KCNH5: variants seen among roughly 807,000 people sequenced by gnomAD.
KCNH5 encodes the protein voltage-gated delayed rectifier potassium channel KCNH5.
In KCNH5, 46 loss-of-function variants were observed where a neutral mutation model predicts 96.1. The observed-to-expected ratio is 0.48, with a 90% CI of 0.38 to 0.61. The LOEUF (loss-of-function observed/expected upper bound fraction) is 0.61. KCNH5 is among the 20% of genes least tolerant of loss of function. The pLI is 0.00. For missense variants in KCNH5, 907 were observed against 1,225.8 expected, an observed-to-expected ratio of 0.74 and a Z score of 3.88; for synonymous variants, 439 against 449.8, an observed-to-expected ratio of 0.98 and a Z score of 0.30.
intron 7 of KCNH5, among the ~76,000 whole-genome samples, chr14:62,860,066 G>A (rs2002267): frequency 0.14 from 21,051 of 152,122 alleles, 2,520 homozygotes; most frequent in African/African-American, 0.33. Context: ...CTTTATGACT[G>A]GATAGGTCAG....
chr14:62,828,995 AC>A (rs1395637090), intron 8 of KCNH5, among the ~76,000 whole-genome samples: 1 of 152,160 alleles, frequency 6.6e-6, no homozygotes, highest in African/African-American at 2.4e-5. Context: ...ATGGGTCAAA[AC>A]AAAGGAGTTC....
At chr14:62,798,326 G>A (rs578144952) in intron 9 of KCNH5, among the ~76,000 whole-genome samples, 3 of 152,236 alleles carry the variant, frequency 2.0e-5, no homozygotes, top group African/African-American at 7.2e-5. Context: ...AAATGTCTTA[G>A]GAGCACGGTC....
At chr14:62,971,929 G>A (rs1006480470) in intron 6 of KCNH5, among the ~76,000 whole-genome samples, 1 of 152,054 alleles carries the variant, frequency 6.6e-6, no homozygotes, top group Non-Finnish European at 1.5e-5. Context: ...AGAAAATCTA[G>A]ATGACCTTGA....
At position 62,708,402 on chromosome 14, in the gene KCNH5, C is replaced by A. The variant is rs1566634271; in HGVS notation, c.2073G>T (p.Arg691=). 6.2e-7 allele frequency: 1 copy of A among 1,610,742 alleles called. No individual in the cohort carries two copies. Among genetic ancestry groups the A allele is most frequent in the Non-Finnish European group, 8.5e-7 (1 of 1,179,448 alleles). The change falls in exon 11 of 11, where the codon CGG becomes CGT. Residue 691 remains arginine (R), a synonymous_variant. Transcript: ENST00000322893. ...TGCTGAGGGTCACCTCATTCTTCTG[C>A]CGGAGGCGCTCCTCCTCCTCTTTCT... ...DVKKEEEERL[R]QKNEVTLSIP...
At position 62,702,871 on chromosome 14, in the gene KCNH5, T is replaced by C. The variant is rs1884368889; in HGVS notation, c.*4637A>G. 6.6e-6 allele frequency: 1 copy of C among 151,962 alleles called. No homozygotes were observed. Among genetic ancestry groups the C allele is most frequent in the African/African-American group, 2.4e-5 (1 of 41,434 alleles). 9.4% of individuals were successfully genotyped at this position (151,962 alleles called of 1,614,324 possible). ...TTAAGAATTTTGTTATAAGAGTGTCTGCCCATGTGGAATCATATATCTTGA... is the reference window on the plus strand; with the variant it reads ...TTAAGAATTTTGTTATAAGAGTGTCCGCCCATGTGGAATCATATATCTTGA... On this transcript the variant is annotated 3_prime_UTR_variant, in exon 11 of 11. Coordinates refer to ENST00000322893, the MANE Select transcript of KCNH5 (RefSeq NM_139318.5).
intron 7 of KCNH5, among the ~76,000 whole-genome samples, chr14:62,862,257 C>T (rs573096269): frequency 3.9e-5 from 6 of 152,062 alleles, no homozygotes; most frequent in South Asian, 4.1e-4. Context: ...AAGATTGATC[C>T]GAGATACAAA....
chr14:62,807,961 G>C (rs551346896), intron 8 of KCNH5, among the ~76,000 whole-genome samples: 3 of 151,806 alleles, frequency 2.0e-5, no homozygotes, highest in Non-Finnish European at 4.4e-5. Context: ...GCCTAGGGAC[G>C]TGTGGAGTTA....
At chr14:62,984,866 A>AT (rs1890675415) in intron 5 of KCNH5, among the ~76,000 whole-genome samples, 1 of 152,198 alleles carries the variant, frequency 6.6e-6, no homozygotes, top group African/African-American at 2.4e-5. Flanking sequence ...CAGTGAAAAA[A>AT]CAATTCTGAG....
intron 1 of KCNH5, among the ~76,000 whole-genome samples, chr14:63,036,367 A>C (rs1311530286): frequency 2.0e-5 from 3 of 152,190 alleles, no homozygotes; most frequent in Admixed American, 1.3e-4. Context: ...GGAGACACAA[A>C]AGAAAGCTAA....
chr14:62,819,128 A>G (rs947991510), intron 8 of KCNH5, among the ~76,000 whole-genome samples: 12 of 152,022 alleles, frequency 7.9e-5, no homozygotes, highest in South Asian at 4.2e-4. Flanking sequence ...CACCACGCCC[A>G]GCTAATTTTT....
chr14:62,924,832 A>G (rs1272301478), intron 7 of KCNH5, among the ~76,000 whole-genome samples: 3 of 151,940 alleles, frequency 2.0e-5, no homozygotes, highest in African/African-American at 4.8e-5. Flanking sequence ...GGGAGATTTG[A>G]TCAAAGGGTA....
In KCNH5 at chr14:62,706,974, T is replaced by C. The variant is rs551103761; in HGVS notation, c.*534A>G. On this transcript the variant is annotated 3_prime_UTR_variant, in exon 11 of 11. Transcript: ENST00000322893. ...TCTGACTTAGGCAACTAAACAGTCA[T>C]TTAAATGGAGCAAACACTGCCTGTA... 1 of 152,344 alleles carries C rather than the reference T, an allele frequency of 6.6e-6. No individual in the cohort carries two copies. The highest frequency in any genetic ancestry group is 2.4e-5 in the African/African-American group (1 of 41,588). The allele number at this position is 152,344 out of a possible 1,614,324, so 9.4% of individuals were successfully genotyped here.
chr14:62,990,508 T>C (rs145375441), intron 4 of KCNH5, among the ~76,000 whole-genome samples: 1 of 152,144 alleles, frequency 6.6e-6, no homozygotes, highest in Admixed American at 6.6e-5. Flanking sequence ...ATAAAACACA[T>C]GCATTTTTCT....
chr14:62,897,861 T>C (rs1403266378), intron 7 of KCNH5, among the ~76,000 whole-genome samples: 1 of 151,906 alleles, frequency 6.6e-6, no homozygotes, highest in Non-Finnish European at 1.5e-5. Context: ...GGGGGAGGGG[T>C]GGTAATTGAA....
intron 10 of KCNH5, among the ~76,000 whole-genome samples, chr14:62,745,746 G>C (rs1885362865): frequency 1.3e-5 from 2 of 152,292 alleles, no homozygotes; most frequent in South Asian, 4.1e-4. Context: ...TGTCTAATGA[G>C]GAGTTATTCA....
chr14:62,804,818 A>C (rs1886732918), intron 8 of KCNH5, among the ~76,000 whole-genome samples: 1 of 152,220 alleles, frequency 6.6e-6, no homozygotes, highest in African/African-American at 2.4e-5. Flanking sequence ...GCACATAGCA[A>C]GGGCAGAGGA....
intron 6 of KCNH5, among the ~76,000 whole-genome samples, chr14:62,954,337 C>G (rs1890060704): frequency 1.3e-5 from 2 of 152,184 alleles, no homozygotes; most frequent in South Asian, 4.1e-4. Context: ...TTCTGCACAT[C>G]TCTATTATAA....
intron 8 of KCNH5, among the ~76,000 whole-genome samples, chr14:62,847,733 C>T (rs550612427): frequency 5.9e-5 from 9 of 152,262 alleles, no homozygotes; most frequent in East Asian, 5.8e-4. Flanking sequence ...TCCCCATATT[C>T]GTTCTATTAC....
At chr14:62,900,645 G>A (rs1029454450) in intron 7 of KCNH5, among the ~76,000 whole-genome samples, 2 of 151,938 alleles carry the variant, frequency 1.3e-5, no homozygotes, top group Admixed American at 6.5e-5. Flanking sequence ...GAAAATAAAT[G>A]AGCTCTGCAT....
Sources: gnomAD v4.1 joint callset for allele counts (sites outside exome capture counted in the v4.1 genomes callset) on GRCh38, gnomAD v4.1.1 for gene constraint, MANE v1.5 for transcripts, NCBI Gene and HGNC (gene_info 2026-07-23, HGNC 2026-07-21) for gene names.